HSPA14: variants seen among roughly 807,000 people sequenced by gnomAD.
HSPA14 encodes the protein heat shock protein family A (Hsp70) member 14.
In HSPA14, 37 loss-of-function variants were observed where a neutral mutation model predicts 65.5. The observed-to-expected ratio is 0.56, with a 90% CI of 0.43 to 0.74. The LOEUF (loss-of-function observed/expected upper bound fraction) is 0.74. HSPA14 is among the 30% of genes least tolerant of loss of function. The pLI, the probability that HSPA14 is intolerant of heterozygous loss-of-function variation, is 0.00. For synonymous variants in HSPA14, 203 were observed against 214.2 expected, an observed-to-expected ratio of 0.95 and a Z score of 0.46; for missense variants, 564 against 607.6, an observed-to-expected ratio of 0.93 and a Z score of 0.75.
Position 14,848,895 on chromosome 10 carries a change from G to GAAACGGCACATTCT in HSPA14, c.376_376+1insAAACGGCACATTCT (p.Val131LysfsTer14), listed in dbSNP as rs1834086416. The GAAACGGCACATTCT allele has an allele frequency of 2.1e-6, 3 of 1,459,424 alleles. No individual in the cohort carries two copies. In the African/African-American group the frequency reaches 4.2e-5, roughly 21 times the overall value. 90.4% of individuals were successfully genotyped at this position (1,459,424 alleles called of 1,614,324 possible). A position where few individuals can be genotyped will look rare whatever the true frequency, so the allele number is the denominator to read the frequency against. ...CAGACTGATATTTAGTAAAATGAAA[G>GAAACGGCACATTCT]GTATTTAGCAAAAGATATATAATAG... On this transcript the variant is annotated frameshift_variant and splice_region_variant. Transcript: ENST00000378372. LOFTEE classifies it high-confidence loss of function.
chr10:14,844,945 A>T, intron 3 of HSPA14: 2 of 985,450 alleles, frequency 2.0e-6, no homozygotes, highest in Non-Finnish European at 2.4e-6. Flanking sequence ...GCTTTCCAAG[A>T]TTCCTTTTCC....
chr10:14,866,968 CT>C (rs1294667729), intron 10 of HSPA14, 114 bp from the exon 11 acceptor site: 15 of 682,720 alleles, frequency 2.2e-5, no homozygotes, highest in Middle Eastern at 4.1e-4. Flanking sequence ...ATATATAGGG[CT>C]TTTTTTGTAT....
rs1832819022 is a variant in HSPA14, at chr10:14,867,663, T to A, written c.1207-73T>A. The A allele has an allele frequency of 2.3e-6, 3 of 1,332,656 alleles. No homozygotes were observed. In the East Asian group the frequency reaches 6.9e-5, roughly 31 times the overall value. 82.6% of individuals were successfully genotyped at this position (1,332,656 alleles called of 1,614,324 possible). A position where few individuals can be genotyped will look rare whatever the true frequency, so the allele number is the denominator to read the frequency against. ...TTATCAATAAGGAATATATATCTCATTTATAATGGGAAGTTTTTTTCAATT... is the reference window on the plus strand; with the variant it reads ...TTATCAATAAGGAATATATATCTCAATTATAATGGGAAGTTTTTTTCAATT... On this transcript the variant is annotated intron_variant, in intron 11 of 13. Transcript: ENST00000378372.
chr10:14,867,951 C>G (rs1832821685), intron 12 of HSPA14, 42 bp downstream of exon 12: 1 of 1,506,348 alleles, frequency 6.6e-7, no homozygotes, highest in Admixed American at 2.0e-5. Context: ...TTCAACTTTG[C>G]TTTCTGGATT....
chr10:14,846,624 C>T, intron 3 of HSPA14: 1 of 956,784 alleles, frequency 1.0e-6, no homozygotes, highest in Non-Finnish European at 1.2e-6. Flanking sequence ...ACTCAGGTTC[C>T]TCATTTATAA....
At chr10:14,859,325 G>A (rs995832263) in intron 10 of HSPA14, among the ~76,000 whole-genome samples, 2 of 152,086 alleles carry the variant, frequency 1.3e-5, no homozygotes, top group Non-Finnish European at 2.9e-5. Flanking sequence ...CTTCACCCTC[G>A]CTTTCTGTGG....
Position 14,851,976 on chromosome 10 carries a change from C to A in HSPA14, c.573-394C>A, listed in dbSNP as rs538607096. Reference sequence around the variant, plus strand: ...ATACATGGGGAATCGGGAATTAGCTCCTAATTTTGCATATGTAATATATCT... The same window carrying A: ...ATACATGGGGAATCGGGAATTAGCTACTAATTTTGCATATGTAATATATCT... On this transcript the variant is annotated intron_variant, in intron 7 of 13. Transcript: ENST00000378372. Among the ~76,000 whole-genome samples, 42 of 152,246 alleles carry A rather than the reference C, an allele frequency of 2.8e-4. 2 individuals carry two copies. In the South Asian group the frequency reaches 8.5e-3, roughly 31 times the overall value.
chr10:14,871,476 T>C (rs939722051), intron 13 of HSPA14, 52 bp from the exon 14 acceptor site: 2 of 1,059,382 alleles, frequency 1.9e-6, no homozygotes, highest in African/African-American at 3.2e-5. Flanking sequence ...ACAGACTTTA[T>C]GTTTTTATAA....
intron 10 of HSPA14, among the ~76,000 whole-genome samples, chr10:14,857,332 C>G (rs936421687): frequency 6.6e-6 from 1 of 152,078 alleles, no homozygotes; most frequent in Admixed American, 6.6e-5. Context: ...TAGCTTAAGA[C>G]TATTTTTACC....
chr10:14,861,872 C>T (rs1041153249), intron 10 of HSPA14, among the ~76,000 whole-genome samples: 2 of 151,518 alleles, frequency 1.3e-5, no homozygotes, highest in African/African-American at 2.4e-5. Flanking sequence ...ATTAGCTGGG[C>T]GTGATGGTGC....
intron 5 of HSPA14, 134 bp downstream of exon 5, chr10:14,849,029 G>T (rs1369660189): frequency 1.8e-6 from 1 of 551,130 alleles, no homozygotes; most frequent in African/African-American, 1.9e-5. Context: ...CATATAAACT[G>T]TCGACCTGGT....
In HSPA14 at chr10:14,847,579, T is replaced by C. The variant is rs184448842; in HGVS notation, c.222-1030T>C. 5.3e-3 allele frequency among the ~76,000 whole-genome samples: 807 copies of C among 152,284 alleles called. 5 individuals carry two copies. Among genetic ancestry groups the C allele is most frequent in the African/African-American group, 0.018 (767 of 41,554 alleles). On this transcript the variant is annotated intron_variant, in intron 3 of 13. Coordinates refer to ENST00000378372, the MANE Select transcript of HSPA14 (RefSeq NM_016299.4). ...ATTTTAGGTGACAGAGAAGGAAGTA[T>C]GAGGAACCTGCAAGTATTCCAGAGT...
intron 12 of HSPA14, among the ~76,000 whole-genome samples, chr10:14,869,929 C>T (rs541940443): frequency 6.6e-6 from 1 of 152,344 alleles, no homozygotes; most frequent in African/African-American, 2.4e-5. Flanking sequence ...GGAAGAGAAT[C>T]TTTCAGAGTT....
rs961550321 is a variant in HSPA14, at chr10:14,842,017, A to T, written c.221+1860A>T. On this transcript the variant is annotated intron_variant, in intron 3 of 13. Coordinates refer to ENST00000378372, the MANE Select transcript of HSPA14 (RefSeq NM_016299.4). The surrounding 1 kb of genome is among the most constrained non-coding windows in gnomAD (Gnocchi z 5.2). ...CTGGGTGAACTCCCAAAGTTGGGCT[A>T]TCTCAGTCTTGGCCTCATGCCTGTT... 1.5e-6 allele frequency: 1 copy of T among 676,702 alleles called. No individual in the cohort carries two copies. Among genetic ancestry groups the T allele is most frequent in the African/African-American group, 1.8e-5 (1 of 56,190 alleles). 41.9% of individuals were successfully genotyped at this position (676,702 alleles called of 1,614,324 possible).
At chr10:14,870,524 T>C in intron 12 of HSPA14, 73 bp from the exon 13 acceptor site, 1 of 1,497,068 alleles carries the variant, frequency 6.7e-7, no homozygotes, top group East Asian at 2.4e-5. Context: ...CTTTGGTCCT[T>C]TGCAATAATT....
chr10:14,842,992 T>C lies in HSPA14; in HGVS notation c.221+2835T>C. On this transcript the variant is annotated intron_variant, in intron 3 of 13. Transcript: ENST00000378372. This position sits in a 1 kb window ranked among gnomAD's most constrained non-coding sequence, Gnocchi z 5.2. ...ACGCACCTTTTCAAAAACCTAATAG[T>C]AAGCTAAAGGGTTCCAGGTTTTCAA... 1 of 701,934 alleles carries C rather than the reference T, an allele frequency of 1.4e-6. No individual in the cohort carries two copies. Among genetic ancestry groups the C allele is most frequent in the East Asian group, 2.7e-5 (1 of 36,906 alleles). 43.5% of individuals were successfully genotyped at this position (701,934 alleles called of 1,614,324 possible).
chr10:14,844,268 C>A, intron 3 of HSPA14: 1 of 1,079,406 alleles, frequency 9.3e-7, no homozygotes, highest in Non-Finnish European at 1.1e-6. Flanking sequence ...TCACGTAGTT[C>A]ATAGATGTGA....
At chr10:14,851,394 G>C in intron 7 of HSPA14, 71 bp downstream of exon 7, 1 of 872,558 alleles carries the variant, frequency 1.1e-6, no homozygotes. Flanking sequence ...GATTATATCA[G>C]TAAAGATTAT....
chr10:14,851,047 TATAGTC>T, intron 6 of HSPA14, 166 bp from the exon 7 acceptor site: 3 of 557,564 alleles, frequency 5.4e-6, no homozygotes, highest in East Asian at 3.1e-5. Context: ...AGTGATCTCT[TATAGTC>T]ATTCATTTCT....
Sources: gnomAD v4.1 joint callset for allele counts (sites outside exome capture counted in the v4.1 genomes callset) on GRCh38, gnomAD v4.1.1 for gene constraint, Gnocchi (gnomAD v3.1) non-coding constraint, MANE v1.5 for transcripts, NCBI Gene and HGNC (gene_info 2026-07-23, HGNC 2026-07-21) for gene names.